Variants in TSPOAP1 observed in about 807,000 individuals in gnomAD.
The protein encoded by TSPOAP1 is TSPO associated protein 1.
In TSPOAP1, 87 loss-of-function variants were observed where a neutral mutation model predicts 197.0. That is an observed-to-expected ratio of 0.44 (90% CI 0.37 to 0.53). TSPOAP1 has a LOEUF of 0.53. Among genes scored for constraint, TSPOAP1 ranks in the 20% least tolerant of loss-of-function variants. The probability of loss-of-function intolerance (pLI) is 0.00; values close to 1 mark genes in which losing one functional copy is unlikely to be tolerated. For synonymous variants in TSPOAP1, 913 were observed against 998.9 expected (o/e 0.91, Z 1.62); for missense variants, 2,174 against 2,411.3 (o/e 0.90, Z 2.06).
At chr17:58,311,765 C>T (rs998385754) in intron 17 of TSPOAP1, 43 bp from the exon 18 acceptor site, 1 of 1,521,130 alleles carries the variant, frequency 6.6e-7, no homozygotes, top group Non-Finnish European at 8.8e-7. Context: ...CAGGACGCTC[C>T]CCATCAGAGA....
intron 7 of TSPOAP1, 93 bp from the exon 8 acceptor site, chr17:58,323,132 C>T: frequency 6.7e-7 from 1 of 1,494,774 alleles, no homozygotes; most frequent in Non-Finnish European, 9.2e-7. Context: ...CAGGCAAGGC[C>T]TTCCTCCCCT....
intron 22 of TSPOAP1, among the ~76,000 whole-genome samples, 164 bp from the exon 23 acceptor site, chr17:58,308,105 C>A (rs550860872): frequency 6.6e-6 from 1 of 152,150 alleles, no homozygotes; most frequent in African/African-American, 2.4e-5. Context: ...CAGACACCCC[C>A]ACAGTGGGAG....
intron 19 of TSPOAP1, 28 bp downstream of exon 19, chr17:58,310,808 C>G: frequency 1.3e-6 from 2 of 1,582,330 alleles, no homozygotes; most frequent in Non-Finnish European, 1.7e-6. Context: ...CCAGCCTGCA[C>G]CTGCTCCCCT....
At chr17:58,308,047 A>G (rs1318320077) in intron 22 of TSPOAP1, 106 bp from the exon 23 acceptor site, 2 of 1,143,448 alleles carry the variant, frequency 1.7e-6, no homozygotes, top group East Asian at 5.2e-5. Context: ...GCAGCGCAGG[A>G]GCACAGCATT....
rs752015519 is a variant in TSPOAP1 at position 58,311,105 on chromosome 17, C to G, written c.3190G>C (p.Gly1064Arg). The G allele has an allele frequency of 6.3e-7, 1 of 1,594,458 alleles. No individual in the cohort carries two copies. Among genetic ancestry groups the G allele is most frequent in the Admixed American group, 1.8e-5 (1 of 56,774 alleles). ...GCCGGGATGGAGTCCGCCGACTCCC[C>G]GTGGGGCGACATGGTGCGCACGACC... is the stretch of plus-strand genomic sequence containing the variant. ...EVVVRTMSPH[G>R]ESADSIPAPI... The change falls in exon 19 of 32, where the codon GGG becomes CGG. Residue 1064 changes from glycine (G) to arginine (R), a missense_variant. Transcript: ENST00000343736.
intron 10 of TSPOAP1, among the ~76,000 whole-genome samples, chr17:58,321,433 G>C (rs1040634275): frequency 4.6e-5 from 7 of 152,022 alleles, no homozygotes; most frequent in South Asian, 2.1e-4. Flanking sequence ...GAGTAGCTGG[G>C]ACTACAGGGG....
chr17:58,310,422 G>A lies in TSPOAP1; in HGVS notation c.3699+90C>T, dbSNP rs1006920595. On this transcript the variant is annotated intron_variant, in intron 20 of 31. Transcript: ENST00000343736. ...AGAGCAGGACCAGAGCAGAGGACAG[G>A]CAGAGAGGGCAACTGGATTTGCGCT... The A allele has an allele frequency of 9.0e-6, 14 of 1,551,226 alleles. No individual in the cohort carries two copies. The African/African-American group carries it at 1.9e-4, about 21-fold the overall frequency.
At chr17:58,318,136 G>A in intron 14 of TSPOAP1, 144 bp downstream of exon 14, 1 of 1,036,520 alleles carries the variant, frequency 9.6e-7, no homozygotes, top group East Asian at 2.6e-5. Flanking sequence ...CCCACAGGAG[G>A]AATCCACAGG....
At position 58,322,391 on chromosome 17, in the gene TSPOAP1, G is replaced by T. The variant is rs755361873; in HGVS notation, c.1339C>A (p.Arg447=). The change falls in exon 10 of 32, where the codon CGG becomes AGG. Residue 447 remains arginine (R), a synonymous_variant. Transcript: ENST00000343736. The surrounding 1 kb of genome is among the most constrained non-coding windows in gnomAD (Gnocchi z 5.0). ...TGCTCCACCTCCAGCTGCTGCCGCC[G>T]CTGGGCCACCTCCCGCATGTGCTGA... ...VLKHMREVAQ[R]RQQLEVEHEQ... is the part of the protein sequence containing the mutation. The T allele has an allele frequency of 2.5e-5, 40 of 1,606,248 alleles. No homozygotes were observed. Among genetic ancestry groups the T allele is most frequent in the Non-Finnish European group, 3.4e-5 (40 of 1,179,966 alleles).
chr17:58,307,125 A>G (rs1314986865), intron 24 of TSPOAP1, among the ~76,000 whole-genome samples, 157 bp from the exon 25 acceptor site: 1 of 152,236 alleles, frequency 6.6e-6, no homozygotes, highest in Non-Finnish European at 1.5e-5. Flanking sequence ...GAACAGGATC[A>G]GAGGGATAGG....
At position 58,312,584 on chromosome 17, in the gene TSPOAP1, C is replaced by T; in HGVS notation, c.2237G>A (p.Ser746Asn). Residue 746 changes from serine to asparagine, a missense_variant, in exon 17 of 32, where the codon AGT (serine) becomes AAT (asparagine). By Grantham distance (46) the Ser-to-Asn change is conservative. Around this residue, in one of 5 missense-constraint regions of TSPOAP1, gnomAD observed 1,933 missense variants for 2,139.0 expected, o/e 0.90. Coordinates refer to ENST00000343736, the MANE Select transcript of TSPOAP1 (RefSeq NM_004758.4). The part of the protein sequence containing the change: ...HSSGPELSFL[S>N]VGGGGSSSGG... ...GCTACTGCTGCCACCCCCACCTACA[C>T]TCAGGAAACTGAGTTCAGGGCCTGA... 1 of 1,613,162 alleles carries T rather than the reference C, an allele frequency of 6.2e-7. No individual in the cohort carries two copies. Among genetic ancestry groups the T allele is most frequent in the Non-Finnish European group, 8.5e-7 (1 of 1,179,612 alleles).
intron 24 of TSPOAP1, among the ~76,000 whole-genome samples, chr17:58,307,280 C>G (rs529699514): frequency 6.6e-6 from 1 of 152,336 alleles, no homozygotes; most frequent in Admixed American, 6.5e-5. Context: ...ATAGTAATGT[C>G]AGCAGCAGAT....
chr17:58,311,393 T>C, intron 18 of TSPOAP1, 178 bp downstream of exon 18: 3 of 1,241,288 alleles, frequency 2.4e-6, no homozygotes, highest in Middle Eastern at 2.4e-4. Context: ...GCTTCAGTGA[T>C]GGAACAGTTC....
chr17:58,324,889 GAGCGTC>G lies in TSPOAP1; in HGVS notation c.858_863del (p.Glu286_Leu288delinsAsp). 1 of 1,532,908 alleles carries G rather than the reference GAGCGTC, an allele frequency of 6.5e-7. No individual in the cohort carries two copies. The highest frequency in any genetic ancestry group is 8.7e-7 in the Non-Finnish European group (1 of 1,144,576). The allele number at this position is 1,532,908 out of a possible 1,614,324, so 95.0% of individuals were successfully genotyped here. A position where few individuals can be genotyped will look rare whatever the true frequency, so the allele number is the denominator to read the frequency against. On this transcript the variant is annotated inframe_deletion, in exon 5 of 32. Coordinates refer to ENST00000343736, the MANE Select transcript of TSPOAP1 (RefSeq NM_004758.4). The surrounding 1 kb of genome is among the most constrained non-coding windows in gnomAD (Gnocchi z 5.8). ...CCGGGGGCCAGGACGGCGGGAGCGG[GAGCGTC>G]TCCCGCTGGTTGCGCAGCGCGATCT...
At chr17:58,317,567 A>C (rs899458795) in intron 14 of TSPOAP1, among the ~76,000 whole-genome samples, 12 of 152,178 alleles carry the variant, frequency 7.9e-5, no homozygotes, top group African/African-American at 2.9e-4. Context: ...CTATCCCACG[A>C]GGGGGCAATA....
chr17:58,325,508 A>G, intron 4 of TSPOAP1, 26 bp downstream of exon 4: 1 of 1,610,954 alleles, frequency 6.2e-7, no homozygotes, highest in Non-Finnish European at 8.5e-7. Flanking sequence ...GCTGAGCTGG[A>G]AGAGGTGACC....
In TSPOAP1 at chr17:58,318,262, C is replaced by T; in HGVS notation, c.1872+18G>A. 1 of 1,613,086 alleles carries T rather than the reference C, an allele frequency of 6.2e-7. No homozygotes were observed. Among genetic ancestry groups the T allele is most frequent in the South Asian group, 1.1e-5 (1 of 91,002 alleles). ...CCCAAGCCAAAGCCAGAACTTCAGG[C>T]CCCACCCCAGCAATTACCTCAGGTG... is the stretch of plus-strand genomic sequence containing the variant. On this transcript the variant is annotated intron_variant, in intron 14 of 31. Coordinates refer to ENST00000343736, the MANE Select transcript of TSPOAP1 (RefSeq NM_004758.4).
chr17:58,313,603 G>T (rs1971133871), intron 16 of TSPOAP1, among the ~76,000 whole-genome samples: 1 of 143,134 alleles, frequency 7.0e-6, no homozygotes, highest in Non-Finnish European at 1.5e-5. Context: ...GCAAGATGCT[G>T]TATCAAAAAA....
intron 24 of TSPOAP1, 114 bp from the exon 25 acceptor site, chr17:58,307,082 G>A: frequency 1.7e-6 from 2 of 1,161,274 alleles, no homozygotes. Flanking sequence ...CCTTTTGTAT[G>A]CCATGAAATG....
Sources: allele counts gnomAD v4.1 joint callset (sites outside exome capture counted in the v4.1 genomes callset), GRCh38; gene constraint gnomAD v4.1.1; regional missense constraint gnomAD v4.1.1; non-coding constraint Gnocchi (gnomAD v3.1); transcripts MANE v1.5; gene names NCBI Gene and HGNC (gene_info 2026-07-23, HGNC 2026-07-21).